Variants in ZNF510 observed in about 807,000 individuals in gnomAD.
ZNF510 encodes the protein zinc finger protein 510.
Under a neutral mutation model 18.1 loss-of-function variants are expected in ZNF510, and 15 were observed. That is an observed-to-expected ratio of 0.83 (90% CI 0.55 to 1.28). The LOEUF (loss-of-function observed/expected upper bound fraction) is 1.28. Among genes scored for constraint, ZNF510 ranks in the 50% most tolerant of loss-of-function variants. The pLI, the probability that ZNF510 is intolerant of heterozygous loss-of-function variation, is 0.00. For missense variants in ZNF510, 724 were observed against 791.8 expected, an observed-to-expected ratio of 0.91 and a Z score of 1.03; for synonymous variants, 261 against 266.4, an observed-to-expected ratio of 0.98 and a Z score of 0.20.
Position 96,759,470 on chromosome 9 carries a change from G to A in ZNF510, c.1360C>T (p.His454Tyr). ...KSHLSTHQRIHTAEKPYKCNE... is the reference protein window; with the variant it reads ...KSHLSTHQRIYTAEKPYKCNE... ...CATTTATAGGGTTTTTCTGCTGTATGAATTCTCTGATGAGTACTGAGGTGT... is the reference window on the plus strand; with the variant it reads ...CATTTATAGGGTTTTTCTGCTGTATAAATTCTCTGATGAGTACTGAGGTGT... Residue 454 changes from histidine (H) to tyrosine (Y), a missense_variant, in exon 6 of 6, where the codon CAT becomes TAT. Coordinates refer to ENST00000223428, the MANE Select transcript of ZNF510 (RefSeq NM_014930.3). The A allele has an allele frequency of 6.2e-7, 1 of 1,614,060 alleles. No homozygotes were observed. Among genetic ancestry groups the A allele is most frequent in the Non-Finnish European group, 8.5e-7 (1 of 1,179,986 alleles).
In ZNF510 at chr9:96,758,879, T is replaced by C. The variant is rs1323377766; in HGVS notation, c.1951A>G (p.Ser651Gly). Residue 651 changes from serine (S) to glycine (G), a missense_variant, in exon 6 of 6, where the codon AGT (serine) becomes GGT (glycine). Transcript: ENST00000223428. ...SNLRIHQRTHSGEKSYECNEY... is the reference protein window; with the variant it reads ...SNLRIHQRTHGGEKSYECNEY... Reference sequence around the variant, plus strand: ...TTGCATTCATAAGATTTCTCCCCACTGTGAGTCCTTTGATGTATTCTGAGG... The same window carrying C: ...TTGCATTCATAAGATTTCTCCCCACCGTGAGTCCTTTGATGTATTCTGAGG... 1.2e-6 allele frequency: 2 copies of C among 1,614,016 alleles called. No individual in the cohort carries two copies. Among genetic ancestry groups the C allele is most frequent in the South Asian group, 1.1e-5 (1 of 91,082 alleles).
chr9:96,758,736 A>G lies in ZNF510; in HGVS notation c.*42T>C. The G allele has an allele frequency of 1.3e-6, 2 of 1,514,006 alleles. No homozygotes were observed. Among genetic ancestry groups the G allele is most frequent in the South Asian group, 2.8e-5 (2 of 72,204 alleles). The allele number at this position is 1,514,006 out of a possible 1,614,324, so 93.8% of individuals were successfully genotyped here. A position where few individuals can be genotyped will look rare whatever the true frequency, so the allele number is the denominator to read the frequency against. On this transcript the variant is annotated 3_prime_UTR_variant, in exon 6 of 6. Transcript: ENST00000223428. ...GTTTTTTGTGTATCTCTGATATCAA[A>G]TGGGGTATTCCTTTTGTCAAAAGGA...
chr9:96,776,688 G>A (rs757067709), intron 1 of ZNF510, among the ~76,000 whole-genome samples: 17 of 152,178 alleles, frequency 1.1e-4, no homozygotes, highest in Non-Finnish European at 2.1e-4. Context: ...GGGAGGCTGG[G>A]GCAGGAGAAT....
intron 3 of ZNF510, among the ~76,000 whole-genome samples, chr9:96,772,183 T>C (rs1849597381): frequency 6.6e-6 from 1 of 152,182 alleles, no homozygotes; most frequent in African/African-American, 2.4e-5. Flanking sequence ...ATGGTCTTTC[T>C]AACAAATGGT....
chr9:96,765,519 C>CT (rs796308923), intron 3 of ZNF510, among the ~76,000 whole-genome samples: 248 of 144,216 alleles, frequency 1.7e-3, no homozygotes, highest in Admixed American at 3.5e-3. Flanking sequence ...TTCACTTTTT[C>CT]TTTTTTTTTT....
In ZNF510 at chr9:96,756,518, GC is replaced by G. The variant is rs1377671211; in HGVS notation, c.*2259del. On this transcript the variant is annotated 3_prime_UTR_variant, in exon 6 of 6. Coordinates refer to ENST00000223428, the MANE Select transcript of ZNF510 (RefSeq NM_014930.3). ...GCCTATACAGCTGACATACTGTGGG[GC>G]CAGGACAGGTGCTTTCCTGAATGCC... The G allele has an allele frequency of 2.6e-5, 4 of 152,188 alleles. No individual in the cohort carries two copies. Among genetic ancestry groups the G allele is most frequent in the Admixed American group, 2.6e-4 (4 of 15,288 alleles). The allele number at this position is 152,188 out of a possible 1,614,324, so 9.4% of individuals were successfully genotyped here.
rs757534659 is a variant in ZNF510 at position 96,760,279 on chromosome 9, T to C, written c.551A>G (p.Gln184Arg). ...ATTAATGATAAATTCAGAAATACTTTGCAAATTCACTTCCCATGAGTTGCA... is the reference window on the plus strand; with the variant it reads ...ATTAATGATAAATTCAGAAATACTTCGCAAATTCACTTCCCATGAGTTGCA... ...CKCNSWEVNL[Q>R]SISEFIINNR... The change falls in exon 6 of 6, where the codon CAA (glutamine) becomes CGA (arginine). Residue 184 changes from glutamine (Q) to arginine (R), a missense_variant. By Grantham distance (43) the Gln-to-Arg change is conservative. Coordinates refer to ENST00000223428, the MANE Select transcript of ZNF510 (RefSeq NM_014930.3). 4 of 1,613,346 alleles carry C rather than the reference T, an allele frequency of 2.5e-6. No homozygotes were observed. Among genetic ancestry groups the C allele is most frequent in the Admixed American group, 1.7e-5 (1 of 59,924 alleles).
In ZNF510 at chr9:96,759,942, G is replaced by C. The variant is rs753653435; in HGVS notation, c.888C>G (p.Leu296=). The C allele has an allele frequency of 6.2e-7, 1 of 1,613,244 alleles. No individual in the cohort carries two copies. The highest frequency in any genetic ancestry group is 8.5e-7 in the Non-Finnish European group (1 of 1,179,872). ...CTGTGCCAGTTCTCCTGTGGTCAAA[G>C]AGAGTTTTCTTATCACAATTTTTCC... The part of the protein sequence containing the change: ...EFRKNCDKKT[L]FDHRRTGTGK... Residue 296 remains leucine (L), a synonymous_variant, in exon 6 of 6, where the codon CTC becomes CTG. Transcript: ENST00000223428.
At position 96,763,191 on chromosome 9, in the gene ZNF510, C is replaced by G; in HGVS notation, c.279G>C (p.Glu93Asp). The G allele has an allele frequency of 1.2e-6, 2 of 1,614,034 alleles. No homozygotes were observed. The highest frequency in any genetic ancestry group is 1.7e-6 in the Non-Finnish European group (2 of 1,179,962). The part of the protein sequence containing the change: ...VSVGYCCFKP[E>D]VIFKLEQGEE... ...CTCCTTGCTCCAACTTGAAGATCAC[C>G]TCTGGTTTGAAACAGCAGTACCCTG... The change falls in exon 5 of 6, where the codon GAG becomes GAC. Residue 93 changes from glutamate (E) to aspartate (D), a missense_variant. Physicochemically the swap from Glu to Asp is conservative, Grantham distance 45 (BLOSUM62 2). Coordinates refer to ENST00000223428, the MANE Select transcript of ZNF510 (RefSeq NM_014930.3).
At position 96,756,610 on chromosome 9, in the gene ZNF510, C is replaced by T. The variant is rs762543440; in HGVS notation, c.*2168G>A. 5 of 152,180 alleles carry T rather than the reference C, an allele frequency of 3.3e-5. No individual in the cohort carries two copies. The highest frequency in any genetic ancestry group is 6.5e-5 in the Admixed American group (1 of 15,280). 9.4% of individuals were successfully genotyped at this position (152,180 alleles called of 1,614,324 possible). On this transcript the variant is annotated 3_prime_UTR_variant, in exon 6 of 6. Coordinates refer to ENST00000223428, the MANE Select transcript of ZNF510 (RefSeq NM_014930.3). ...ATTTTGTTAGTTGTTGAGTCCAAGA[C>T]GACAAACTCCTAAAGTGGAATTTTA... is the stretch of plus-strand genomic sequence containing the variant.
chr9:96,758,999 G>A lies in ZNF510; in HGVS notation c.1831C>T (p.Arg611Trp), dbSNP rs772965000. Residue 611 changes from arginine (R) to tryptophan (W), a missense_variant, in exon 6 of 6, where the codon CGG (arginine) becomes TGG (tryptophan). Arg to Trp is a moderately radical substitution (Grantham distance 101). Transcript: ENST00000223428. ...TGATGATCACTAAGGATTGCTTTCC[G>A]GACAAATTTCTTCCCACATTCATTA... ...KCNECGKKFV[R>W]KAILSDHQRI... is the part of the protein sequence containing the mutation. The A allele has an allele frequency of 1.3e-5, 21 of 1,613,654 alleles. No homozygotes were observed. The highest frequency in any genetic ancestry group is 4.5e-5 in the East Asian group (2 of 44,876).
intron 2 of ZNF510, 103 bp downstream of exon 2, chr9:96,775,897 G>T: frequency 6.9e-7 from 1 of 1,451,320 alleles, no homozygotes; most frequent in Non-Finnish European, 9.3e-7. Flanking sequence ...CCTCAGCCCT[G>T]GCTGGTTATG....
At position 96,776,022 on chromosome 9, in the gene ZNF510, A is replaced by G. The variant is rs1383099924; in HGVS notation, c.48T>C (p.Thr16=). The change falls in exon 2 of 6, where the codon ACT becomes ACC. Residue 16 remains threonine (T), a synonymous_variant. Transcript: ENST00000223428. ...TACCACCTTCTGCAAGTTGGCCCAC[A>G]GTGTTCAGTGTCACACAATCTGTGA... ...EAITDCVTLN[T]VGQLAEGGYP... is the part of the protein sequence containing the mutation. The G allele has an allele frequency of 6.2e-7, 1 of 1,609,314 alleles. No homozygotes were observed. The highest frequency in any genetic ancestry group is 1.7e-5 in the Admixed American group (1 of 59,552).
Position 96,758,849 on chromosome 9 carries a change from A to G in ZNF510, c.1981T>C (p.Tyr661His). 6.2e-7 allele frequency: 1 copy of G among 1,613,832 alleles called. No homozygotes were observed. Among genetic ancestry groups the G allele is most frequent in the Non-Finnish European group, 8.5e-7 (1 of 1,179,868 alleles). ...GTAGACTTCTTACATAATTTCCCAT[A>G]TTCATTGCATTCATAAGATTTCTCC... is the stretch of plus-strand genomic sequence containing the variant. ...SGEKSYECNE[Y>H]GKLCKKSTLS... The change falls in exon 6 of 6, where the codon TAT becomes CAT. Residue 661 changes from tyrosine (Y) to histidine (H), a missense_variant. Transcript: ENST00000223428.
intron 3 of ZNF510, among the ~76,000 whole-genome samples, chr9:96,772,963 G>GA (rs1331307360): frequency 6.6e-6 from 1 of 151,874 alleles, no homozygotes; most frequent in Non-Finnish European, 1.5e-5. Context: ...AAAAACAAAT[G>GA]AAAAAATGCA....
intron 1 of ZNF510, among the ~76,000 whole-genome samples, chr9:96,776,592 T>G (rs1438979031): frequency 6.6e-6 from 1 of 152,150 alleles, no homozygotes; most frequent in Non-Finnish European, 1.5e-5. Flanking sequence ...CTGGCCAATA[T>G]GGTGAAACCC....
chr9:96,756,042 T>A lies in ZNF510; in HGVS notation c.*2736A>T, dbSNP rs186195134. 6.6e-6 allele frequency: 1 copy of A among 152,204 alleles called. No individual in the cohort carries two copies. The highest frequency in any genetic ancestry group is 1.5e-5 in the Non-Finnish European group (1 of 68,010). The allele number at this position is 152,204 out of a possible 1,614,324, so 9.4% of individuals were successfully genotyped here. A position where few individuals can be genotyped will look rare whatever the true frequency, so the allele number is the denominator to read the frequency against. On this transcript the variant is annotated 3_prime_UTR_variant, in exon 6 of 6. Coordinates refer to ENST00000223428, the MANE Select transcript of ZNF510 (RefSeq NM_014930.3). ...CTGTCGGCAGCTTGATTCCAGTCAG[T>A]CTTATCAGAAAATAGTCTCTTATTA... is the stretch of plus-strand genomic sequence containing the variant.
At position 96,759,970 on chromosome 9, in the gene ZNF510, A is replaced by T; in HGVS notation, c.860T>A (p.Phe287Tyr). The T allele has an allele frequency of 6.2e-7, 1 of 1,612,916 alleles. No homozygotes were observed. The highest frequency in any genetic ancestry group is 1.1e-5 in the South Asian group (1 of 91,044). Residue 287 changes from phenylalanine (F) to tyrosine (Y), a missense_variant, in exon 6 of 6, where the codon TTT becomes TAT. Coordinates refer to ENST00000223428, the MANE Select transcript of ZNF510 (RefSeq NM_014930.3). The stretch of plus-strand genomic sequence containing the variant: ...AGTTTTCTTATCACAATTTTTCCTA[A>T]ATTCATCATCTTTAGAGGATGTTTC... ...TGETSSKDDE[F>Y]RKNCDKKTLF...
intron 3 of ZNF510, among the ~76,000 whole-genome samples, chr9:96,770,759 G>A (rs924201011): frequency 2.7e-5 from 4 of 149,856 alleles, no homozygotes; most frequent in African/African-American, 1.0e-4. Flanking sequence ...GATGGGGGAT[G>A]ATAGCTAAAT....
Sources: allele counts gnomAD v4.1 joint callset (sites outside exome capture counted in the v4.1 genomes callset), GRCh38; gene constraint gnomAD v4.1.1; transcripts MANE v1.5; gene names NCBI Gene and HGNC (gene_info 2026-07-23, HGNC 2026-07-21).